The following DST variants were observed in gnomAD, a reference collection of about 807,000 sequenced individuals.
DST encodes dystonin, also known as bullous pemphigoid antigen.
Under a neutral mutation model 875.2 loss-of-function variants are expected in DST, and 253 were observed. The ratio of observed to expected loss-of-function variants is 0.29; its 90% CI spans 0.26 to 0.32. The LOEUF (loss-of-function observed/expected upper bound fraction) is 0.32, where lower values mean the gene tolerates loss of function less well. DST is among the 10% of genes least tolerant of loss of function. The pLI is 1.00. For synonymous variants in DST, 3,124 were observed against 3,197.1 expected (o/e 0.98, Z 0.77); for missense variants, 8,287 against 9,111.6 (o/e 0.91, Z 3.68).
At chr6:56,490,448 A>T (rs2095698559) in intron 85 of DST, among the ~76,000 whole-genome samples, 1 of 152,188 alleles carries the variant, frequency 6.6e-6, no homozygotes, top group Admixed American at 6.5e-5. Flanking sequence ...ATCAAAATTA[A>T]ATCTATTGTA....
At chr6:56,488,016 T>C (rs957440124) in intron 86 of DST, among the ~76,000 whole-genome samples, 4 of 152,228 alleles carry the variant, frequency 2.6e-5, no homozygotes, top group African/African-American at 7.2e-5. Context: ...CTACATACTT[T>C]AAAGTGTTTT....
chr6:56,647,653 AAT>A lies in DST; in HGVS notation c.1554+915_1554+916del, dbSNP rs534335674. ...ATACAAATGAGACAACTTACTCTTT[AAT>A]AAGTTTACATATTTGTAATGGCTTT... On this transcript the variant is annotated intron_variant, in intron 13 of 103. Transcript: ENST00000680361. Among the ~76,000 whole-genome samples, 795 of 152,090 alleles carry A rather than the reference AAT, an allele frequency of 5.2e-3. 6 individuals are homozygous for A. The highest frequency in any genetic ancestry group is 0.018 in the African/African-American group (751 of 41,414).
intron 61 of DST, among the ~76,000 whole-genome samples, chr6:56,538,505 G>GA (rs2097059465): frequency 6.6e-6 from 1 of 152,116 alleles, no homozygotes; most frequent in South Asian, 2.1e-4. Context: ...AGCACTTCAG[G>GA]AAAAAAATTG....
chr6:56,853,147 A>G (rs1022914881), intron 3 of DST, among the ~76,000 whole-genome samples: 3 of 152,150 alleles, frequency 2.0e-5, no homozygotes, highest in Admixed American at 2.0e-4. Flanking sequence ...TTTCCCCCCA[A>G]AAAAGCTGTC....
intron 32 of DST, 49 bp from the exon 33 acceptor site, chr6:56,628,210 G>T: frequency 6.5e-7 from 1 of 1,533,592 alleles, no homozygotes. Flanking sequence ...ATATCCATCA[G>T]GAGGGTGGAA....
chr6:56,733,394 C>A (rs2099510021), intron 5 of DST, among the ~76,000 whole-genome samples: 1 of 152,210 alleles, frequency 6.6e-6, no homozygotes, highest in Admixed American at 6.5e-5. Context: ...TTACACTTAA[C>A]TTCACAATTT....
In DST at chr6:56,603,050, C is replaced by A; in HGVS notation, c.11158-19G>T. ...GTTTAGACTAGAAAAAAAAATTGTG[C>A]ATTCAGTTATCTTTCCCCAAAATGT... On this transcript the variant is annotated intron_variant, in intron 42 of 103. Coordinates refer to ENST00000680361, the MANE Select transcript of DST (RefSeq NM_001374736.1). 1 of 1,554,816 alleles carries A rather than the reference C, an allele frequency of 6.4e-7. No homozygotes were observed. Among genetic ancestry groups the A allele is most frequent in the South Asian group, 1.2e-5 (1 of 80,470 alleles).
intron 85 of DST, among the ~76,000 whole-genome samples, chr6:56,490,943 G>A (rs1185321650): frequency 6.6e-6 from 1 of 152,130 alleles, no homozygotes; most frequent in Non-Finnish European, 1.5e-5. Context: ...TGATTAAATC[G>A]AGAAAGGAGG....
chr6:56,486,340 G>C (rs988912110), intron 87 of DST, among the ~76,000 whole-genome samples: 2 of 136,002 alleles, frequency 1.5e-5, no homozygotes, highest in African/African-American at 2.8e-5. Flanking sequence ...TCCAGCCTGG[G>C]TGACAGAGCG....
At chr6:56,860,310 G>C (rs1288871220) in intron 3 of DST, among the ~76,000 whole-genome samples, 1 of 152,168 alleles carries the variant, frequency 6.6e-6, no homozygotes, top group Non-Finnish European at 1.5e-5. Context: ...AGGGATCGTG[G>C]TAATTGATAG....
intron 4 of DST, among the ~76,000 whole-genome samples, chr6:56,844,999 A>G (rs1471775611): frequency 6.6e-6 from 1 of 152,214 alleles, no homozygotes; most frequent in Non-Finnish European, 1.5e-5. Context: ...AGTAGTGCCT[A>G]ACTCATAAAG....
In DST at chr6:56,605,266, T is replaced by C; in HGVS notation, c.9362A>G (p.Asn3121Ser). The C allele has an allele frequency of 6.2e-7, 1 of 1,610,952 alleles. No homozygotes were observed. Among genetic ancestry groups the C allele is most frequent in the Non-Finnish European group, 8.5e-7 (1 of 1,178,180 alleles). The change falls in exon 40 of 104, where the codon AAT becomes AGT. Residue 3121 changes from asparagine (N) to serine (S), a missense_variant. Asn to Ser is a conservative substitution (Grantham distance 46, BLOSUM62 1). This residue lies in a region of DST where 3,138 missense variants were observed against 3,116.6 expected (regional missense o/e 1.01). Transcript: ENST00000680361. ...TTTACTAACTATTATTTGTAGATTA[T>C]TTGGTTCATCTTTAAGAGTTACAGT... ...KATVTLKDEP[N>S]NLQIIVSKSP...
chr6:56,905,376 C>A (rs115910006), intron 2 of DST, among the ~76,000 whole-genome samples: 1 of 152,160 alleles, frequency 6.6e-6, no homozygotes, highest in Non-Finnish European at 1.5e-5. Flanking sequence ...GCTGGCGTAA[C>A]GGAAACTTTA....
chr6:56,615,319 T>C, intron 36 of DST: 1 of 1,405,186 alleles, frequency 7.1e-7, no homozygotes, highest in Non-Finnish European at 9.2e-7. Flanking sequence ...AATGAAACCA[T>C]TTGAAGGGCA....
intron 49 of DST, among the ~76,000 whole-genome samples, chr6:56,582,571 A>G (rs1017801160): frequency 6.6e-5 from 10 of 151,586 alleles, no homozygotes; most frequent in African/African-American, 1.9e-4. Flanking sequence ...TCTTTTCTTT[A>G]TAAATTACCC....
At chr6:56,727,619 T>A (rs1040232053) in intron 5 of DST, among the ~76,000 whole-genome samples, 1 of 152,200 alleles carries the variant, frequency 6.6e-6, no homozygotes, top group Admixed American at 6.5e-5. Context: ...AACTCTTGCC[T>A]AGTGTGTTGA....
At chr6:56,746,651 G>C (rs1275692779) in intron 4 of DST, among the ~76,000 whole-genome samples, 1 of 152,160 alleles carries the variant, frequency 6.6e-6, no homozygotes. Flanking sequence ...TATAAGGAGA[G>C]AGGTTGGTAG....
At chr6:56,629,993 G>A (rs113498857) in intron 31 of DST, among the ~76,000 whole-genome samples, 62 of 151,682 alleles carry the variant, frequency 4.1e-4, no homozygotes, top group African/African-American at 1.2e-3. Flanking sequence ...TTTTAGCTTC[G>A]ACTCCTCCTG....
chr6:56,840,668 C>T (rs1433864432), intron 4 of DST, among the ~76,000 whole-genome samples: 4 of 152,316 alleles, frequency 2.6e-5, no homozygotes, highest in African/African-American at 9.6e-5. Flanking sequence ...AGACTGACTA[C>T]ACCATAAATA....
Sources: allele counts gnomAD v4.1 joint callset (sites outside exome capture counted in the v4.1 genomes callset), GRCh38; gene constraint gnomAD v4.1.1; regional missense constraint gnomAD v4.1.1; transcripts MANE v1.5; gene names NCBI Gene and HGNC (gene_info 2026-07-23, HGNC 2026-07-21).